The following ATP8B3 variants were observed in gnomAD, a reference collection of about 807,000 sequenced individuals.
The protein encoded by ATP8B3 is phospholipid-transporting ATPase IK.
Under a neutral mutation model 140.9 loss-of-function variants are expected in ATP8B3, and 141 were observed. The ratio of observed to expected loss-of-function variants is 1.00; its 90% CI spans 0.87 to 1.15. The LOEUF (loss-of-function observed/expected upper bound fraction) is 1.15. Among genes scored for constraint, ATP8B3 ranks in the 50% most tolerant of loss-of-function variants. The pLI, the probability that ATP8B3 is intolerant of heterozygous loss-of-function variation, is 0.00. For synonymous variants in ATP8B3, 765 were observed against 714.6 expected, an observed-to-expected ratio of 1.07 and a Z score of -1.13; for missense variants, 1,874 against 1,740.6, an observed-to-expected ratio of 1.08 and a Z score of -1.36.
In ATP8B3 at chr19:1,795,944, G is replaced by A. The variant is rs747312465; in HGVS notation, c.1986C>T (p.Ala662=). The A allele has an allele frequency of 1.2e-5, 19 of 1,613,072 alleles. No homozygotes were observed. The highest frequency in any genetic ancestry group is 4.5e-5 in the East Asian group (2 of 44,884). ...GCAAGCGTTCGAAGATGACCGTGTC[G>A]GCGCCCTTGGTGTACAGGCAGATGG... The part of the protein sequence containing the change: ...EGAICLYTKG[A]DTVIFERLHR... The change falls in exon 18 of 29, where the codon GCC becomes GCT. Residue 662 remains alanine, a synonymous_variant. Transcript: ENST00000310127.
At chr19:1,784,018 G>C (rs529884817) in intron 28 of ATP8B3, among the ~76,000 whole-genome samples, 7 of 152,250 alleles carry the variant, frequency 4.6e-5, no homozygotes, top group African/African-American at 1.4e-4. Flanking sequence ...ATGTCCTCAA[G>C]GTGCATCCAC....
intron 15 of ATP8B3, 43 bp from the exon 16 acceptor site, chr19:1,796,922 C>T (rs1243116706): frequency 1.7e-5 from 28 of 1,611,378 alleles, no homozygotes; most frequent in Non-Finnish European, 2.4e-5. Flanking sequence ...GTGGGCCGCT[C>T]CCCGTGCCCC....
At position 1,805,428 on chromosome 19, in the gene ATP8B3, G is replaced by C; in HGVS notation, c.850C>G (p.Leu284Val). Residue 284 changes from leucine to valine, a missense_variant, in exon 10 of 29, where the codon CTG becomes GTG. By Grantham distance (32) the Leu-to-Val change is conservative. This residue lies in a region of ATP8B3 where 1,032 missense variants were observed against 963.6 expected (regional missense o/e 1.07). Coordinates refer to ENST00000310127, the MANE Select transcript of ATP8B3 (RefSeq NM_138813.4). The surrounding 1 kb of genome is among the most constrained non-coding windows in gnomAD (Gnocchi z 5.2). ...GETNLKFRQA[L>V]MVTHKELATI... ...GCCAGTTCTTTGTGGGTGACCATCAGGGCCTGTCTGAACTTCAAGTTGGTC... is the reference window on the plus strand; with the variant it reads ...GCCAGTTCTTTGTGGGTGACCATCACGGCCTGTCTGAACTTCAAGTTGGTC... The C allele has an allele frequency of 6.4e-7, 1 of 1,565,512 alleles. No individual in the cohort carries two copies. The highest frequency in any genetic ancestry group is 8.7e-7 in the Non-Finnish European group (1 of 1,153,036).
Position 1,785,490 on chromosome 19 carries a change from G to A in ATP8B3, c.3372C>T (p.Cys1124=). 5.0e-6 allele frequency: 8 copies of A among 1,612,954 alleles called. No individual in the cohort carries two copies. Among genetic ancestry groups the A allele is most frequent in the Non-Finnish European group, 6.8e-6 (8 of 1,179,860 alleles). Residue 1124 remains cysteine, a synonymous_variant, in exon 26 of 29, where the codon TGC becomes TGT. Coordinates refer to ENST00000310127, the MANE Select transcript of ATP8B3 (RefSeq NM_138813.4). ...QSFAVVVALS[C]LLSITMEVIL... is the part of the protein sequence containing the mutation. ...CCACCTCCATGGTGATGGACAGCAG[G>A]CAAGACAGGGCCACCACGACCGCAA... is the stretch of plus-strand genomic sequence containing the variant.
Position 1,793,885 on chromosome 19 carries a change from G to GGC in ATP8B3, c.2056-1752_2056-1751dup, listed in dbSNP as rs373079727. Among the ~76,000 whole-genome samples the GGC allele has an allele frequency of 6.2e-3, 941 of 152,208 alleles. 16 individuals carry two copies. Among genetic ancestry groups the GGC allele is most frequent in the African/African-American group, 0.021 (877 of 41,510 alleles). ...AGCCTCCCGAGTAGCTGAGACTACA[G>GGC]GCCTGCACCACCACATCTGGCTGAT... On this transcript the variant is annotated intron_variant, in intron 18 of 28. Coordinates refer to ENST00000310127, the MANE Select transcript of ATP8B3 (RefSeq NM_138813.4).
In ATP8B3 at chr19:1,806,369, G is replaced by T. The variant is rs1365927201; in HGVS notation, c.678-200C>A. On this transcript the variant is annotated intron_variant, in intron 7 of 28. Coordinates refer to ENST00000310127, the MANE Select transcript of ATP8B3 (RefSeq NM_138813.4). The surrounding 1 kb of genome is among the most constrained non-coding windows in gnomAD (Gnocchi z 5.6). ...CCCACCCAGTGACCTCCAGGGTCCTGCACCCACGTCCTCTTCAGACTTTCC... is the reference window on the plus strand; with the variant it reads ...CCCACCCAGTGACCTCCAGGGTCCTTCACCCACGTCCTCTTCAGACTTTCC... 2.1e-6 allele frequency: 3 copies of T among 1,449,224 alleles called. No individual in the cohort carries two copies. Among genetic ancestry groups the T allele is most frequent in the Non-Finnish European group, 2.7e-6 (3 of 1,108,114 alleles). 89.8% of individuals were successfully genotyped at this position (1,449,224 alleles called of 1,614,324 possible).
At chr19:1,803,160 C>G in intron 10 of ATP8B3, among the ~76,000 whole-genome samples, 1 of 152,138 alleles carries the variant, frequency 6.6e-6, no homozygotes, top group East Asian at 1.9e-4. Context: ...CCACCAGCCC[C>G]CCATTCACCA....
chr19:1,806,348 C>T lies in ATP8B3; in HGVS notation c.678-179G>A, dbSNP rs1398129617. 2.1e-6 allele frequency: 3 copies of T among 1,459,388 alleles called. No individual in the cohort carries two copies. The African/African-American group carries it at 4.3e-5, about 21-fold the overall frequency. 90.4% of individuals were successfully genotyped at this position (1,459,388 alleles called of 1,614,324 possible). Reference sequence around the variant, plus strand: ...CACTCCCCGCGGGTCCACGCTCCCACCCAGTGACCTCCAGGGTCCTGCACC... The same window carrying T: ...CACTCCCCGCGGGTCCACGCTCCCATCCAGTGACCTCCAGGGTCCTGCACC... On this transcript the variant is annotated intron_variant, in intron 7 of 28. Transcript: ENST00000310127. This position sits in a 1 kb window ranked among gnomAD's most constrained non-coding sequence, Gnocchi z 5.6.
Position 1,805,180 on chromosome 19 carries a change from G to C in ATP8B3, c.904+194C>G. 1.6e-6 allele frequency: 1 copy of C among 641,322 alleles called. No homozygotes were observed. Among genetic ancestry groups the C allele is most frequent in the Middle Eastern group, 2.6e-4 (1 of 3,838 alleles). The allele number at this position is 641,322 out of a possible 1,614,324, so 39.7% of individuals were successfully genotyped here. ...TGTAGAGATGGGGTCTCGTTATGTT[G>C]TCCAGGCTGGTCTTGAATTCCTGGG... On this transcript the variant is annotated intron_variant, in intron 10 of 28. Transcript: ENST00000310127. This position sits in a 1 kb window ranked among gnomAD's most constrained non-coding sequence, Gnocchi z 5.2.
At position 1,789,364 on chromosome 19, in the gene ATP8B3, T is replaced by C; in HGVS notation, c.2842A>G (p.Lys948Glu). 1 of 1,545,634 alleles carries C rather than the reference T, an allele frequency of 6.5e-7. No individual in the cohort carries two copies. Among genetic ancestry groups the C allele is most frequent in the Non-Finnish European group, 8.7e-7 (1 of 1,147,554 alleles). The change falls in exon 23 of 29, where the codon AAG becomes GAG. Residue 948 changes from lysine to glutamate, a missense_variant. Physicochemically the swap from Lys to Glu is moderately conservative, Grantham distance 56 (BLOSUM62 1). Around this residue, in one of 3 missense-constraint regions of ATP8B3, gnomAD observed 840 missense variants for 760.9 expected, o/e 1.10. Coordinates refer to ENST00000310127, the MANE Select transcript of ATP8B3 (RefSeq NM_138813.4). The part of the protein sequence containing the change: ...GDGANDINMI[K>E]TADVGVGLAG... ...CAGCCCCGCCGCCGCCACCCACTCT[T>C]GATCATGTTGATGTCGTTGGCACCG...
chr19:1,785,278 T>C lies in ATP8B3; in HGVS notation c.3413A>G (p.Tyr1138Cys). 1 of 1,602,636 alleles carries C rather than the reference T, an allele frequency of 6.2e-7. No homozygotes were observed. The highest frequency in any genetic ancestry group is 1.1e-5 in the South Asian group (1 of 89,448). The change falls in exon 27 of 29, where the codon TAC becomes TGC. Residue 1138 changes from tyrosine to cysteine, a missense_variant. Tyr to Cys is a radical substitution (Grantham distance 194). Around this residue, in one of 3 missense-constraint regions of ATP8B3, gnomAD observed 840 missense variants for 760.9 expected, o/e 1.10. Coordinates refer to ENST00000310127, the MANE Select transcript of ATP8B3 (RefSeq NM_138813.4). ...ITMEVILIIK[Y>C]WTALCVATIL... ...GGTCGCCACGCACAGGGCGGTCCAG[T>C]ACTTGATGATAAGAATGACCTGGAC...
At chr19:1,804,318 A>G (rs1034862124) in intron 10 of ATP8B3, among the ~76,000 whole-genome samples, 12 of 150,868 alleles carry the variant, frequency 8.0e-5, no homozygotes, top group African/African-American at 2.9e-4. Flanking sequence ...ATATGATGAA[A>G]CCCCGTCTCG....
chr19:1,783,714 G>A (rs1004785228), intron 28 of ATP8B3, among the ~76,000 whole-genome samples: 2 of 152,210 alleles, frequency 1.3e-5, no homozygotes, highest in African/African-American at 4.8e-5. Context: ...AGTAAAGGTG[G>A]CAGGAGCTGG....
rs780182327 is a variant in ATP8B3 at position 1,809,728 on chromosome 19, G to A, written c.317C>T (p.Thr106Ile). The A allele has an allele frequency of 5.6e-6, 9 of 1,608,010 alleles. No homozygotes were observed. The highest frequency in any genetic ancestry group is 2.2e-5 in the South Asian group (2 of 89,902). Residue 106 changes from threonine (T) to isoleucine (I), a missense_variant, in exon 4 of 29, where the codon ACC (threonine) becomes ATC (isoleucine). Coordinates refer to ENST00000310127, the MANE Select transcript of ATP8B3 (RefSeq NM_138813.4). Reference protein sequence around the residue: ...LQDEDRNSAFTWKVQANNRAY... With the variant: ...LQDEDRNSAFIWKVQANNRAY... Reference sequence around the variant, plus strand: ...ACGGTTGTTGGCCTGGACCTTCCAGGTGAATGCTGCAGCGAGAGAGCCGGG... The same window carrying A: ...ACGGTTGTTGGCCTGGACCTTCCAGATGAATGCTGCAGCGAGAGAGCCGGG...
At position 1,790,138 on chromosome 19, in the gene ATP8B3, C is replaced by T. The variant is rs551558483; in HGVS notation, c.2379-149G>A. The T allele has an allele frequency of 8.4e-6, 5 of 595,254 alleles. No individual in the cohort carries two copies. The African/African-American group carries it at 1.1e-4, about 13-fold the overall frequency. 36.9% of individuals were successfully genotyped at this position (595,254 alleles called of 1,614,324 possible). On this transcript the variant is annotated intron_variant, in intron 21 of 28. Coordinates refer to ENST00000310127, the MANE Select transcript of ATP8B3 (RefSeq NM_138813.4). ...CCACTTCCCTCTTCCCCTCCCCTTT[C>T]CTCCTCCTCCCGCCGCTGCCCCTCC...
chr19:1,797,959 C>G (rs993342319), intron 14 of ATP8B3, among the ~76,000 whole-genome samples: 2 of 151,746 alleles, frequency 1.3e-5, no homozygotes, highest in African/African-American at 2.4e-5. Context: ...TGCATGCCAC[C>G]CCTTTGTGGT....
At position 1,806,843 on chromosome 19, in the gene ATP8B3, C is replaced by T. The variant is rs568206247; in HGVS notation, c.616-154G>A. ...GTTGCGTCTGCTCAGGGATCCCGGACGTGGGGGCCACTGGACCCACTGCTA... is the reference window on the plus strand; with the variant it reads ...GTTGCGTCTGCTCAGGGATCCCGGATGTGGGGGCCACTGGACCCACTGCTA... On this transcript the variant is annotated intron_variant, in intron 6 of 28. Coordinates refer to ENST00000310127, the MANE Select transcript of ATP8B3 (RefSeq NM_138813.4). This position sits in a 1 kb window ranked among gnomAD's most constrained non-coding sequence, Gnocchi z 5.6. Among the ~76,000 whole-genome samples, 1 of 152,168 alleles carries T rather than the reference C, an allele frequency of 6.6e-6. No individual in the cohort carries two copies. The highest frequency in any genetic ancestry group is 1.5e-5 in the Non-Finnish European group (1 of 68,028).
chr19:1,811,038 G>A (rs1291065247), intron 2 of ATP8B3, among the ~76,000 whole-genome samples: 1 of 152,086 alleles, frequency 6.6e-6, no homozygotes, highest in African/African-American at 2.4e-5. Context: ...CCCACACCTC[G>A]CTTTTCCTGA....
In ATP8B3 at chr19:1,785,699, C is replaced by A; in HGVS notation, c.3163G>T (p.Ala1055Ser). ...TCCGGCTTCTCCAGGCTCTGCTCTG[C>A]GCTCACGTCCTTGGGGCAAGCAGAA... ...YIGLFEQDVS[A>S]EQSLEKPELY... The change falls in exon 26 of 29, where the codon GCA (alanine) becomes TCA (serine). Residue 1055 changes from alanine to serine, a missense_variant. Physicochemically the swap from Ala to Ser is moderately conservative, Grantham distance 99 (BLOSUM62 1). Around this residue, in one of 3 missense-constraint regions of ATP8B3, gnomAD observed 840 missense variants for 760.9 expected, o/e 1.10. Coordinates refer to ENST00000310127, the MANE Select transcript of ATP8B3 (RefSeq NM_138813.4). 1 of 1,600,808 alleles carries A rather than the reference C, an allele frequency of 6.2e-7. No homozygotes were observed. The highest frequency in any genetic ancestry group is 8.5e-7 in the Non-Finnish European group (1 of 1,173,994).
Sources: gnomAD v4.1 joint callset for allele counts (sites outside exome capture counted in the v4.1 genomes callset) on GRCh38, gnomAD v4.1.1 for gene constraint, gnomAD v4.1.1 regional missense constraint, Gnocchi (gnomAD v3.1) non-coding constraint, MANE v1.5 for transcripts, NCBI Gene and HGNC (gene_info 2026-07-23, HGNC 2026-07-21) for gene names.